RGS7: variants seen among roughly 807,000 people sequenced by gnomAD.
RGS7 encodes regulator of G-protein signaling 7.
RGS7 carries 27 observed loss-of-function variants against 81.1 expected under a neutral mutation model. The ratio of observed to expected loss-of-function variants is 0.33; its 90% confidence interval spans 0.25 to 0.46. The LOEUF is 0.46. Ranked by LOEUF, RGS7 falls within the 20% of genes least tolerant of loss-of-function variation. The pLI is 1.00. For synonymous variants in RGS7, 208 were observed against 207.7 expected (o/e 1.00, Z -0.01); for missense variants, 396 against 607.4 (o/e 0.65, Z 3.66).
intron 2 of RGS7, among the ~76,000 whole-genome samples, chr1:241,302,289 C>A (rs2079814255): frequency 6.6e-6 from 1 of 152,156 alleles, no homozygotes; most frequent in South Asian, 2.1e-4. Flanking sequence ...GTGGCTTACG[C>A]CTGTAATCCC....
intron 3 of RGS7, among the ~76,000 whole-genome samples, chr1:241,094,471 A>T (rs971168675): frequency 6.6e-6 from 1 of 152,154 alleles, no homozygotes; most frequent in Non-Finnish European, 1.5e-5. Flanking sequence ...AGAAGAAGGT[A>T]ATGCTGTGAC....
chr1:240,804,126 T>C (rs1688450881), intron 15 of RGS7, among the ~76,000 whole-genome samples: 2 of 152,260 alleles, frequency 1.3e-5, no homozygotes, highest in Admixed American at 1.3e-4. Flanking sequence ...CACTTACAAA[T>C]GGGATAAATA....
intron 3 of RGS7, among the ~76,000 whole-genome samples, chr1:241,064,431 A>AAG (rs2061939727): frequency 1.3e-5 from 2 of 151,052 alleles, no homozygotes. Context: ...ACCAAAAAAA[A>AAG]AAAAAAAAAA....
chr1:241,161,578 TTAA>T (rs112724608), intron 2 of RGS7, among the ~76,000 whole-genome samples: 14,164 of 149,442 alleles, frequency 0.095, 1,363 homozygotes, highest in African/African-American at 0.24. Context: ...CCATGACACA[TTAA>T]TAATAACTAA....
intron 2 of RGS7, among the ~76,000 whole-genome samples, chr1:241,160,413 C>T (rs1259976809): frequency 3.4e-5 from 5 of 148,024 alleles, no homozygotes; most frequent in Non-Finnish European, 7.4e-5. Context: ...ATCCCCTGAA[C>T]GGTGTGTGGA....
chr1:240,868,982 CAAT>C lies in RGS7; in HGVS notation c.451-133_451-131del. 1 of 819,716 alleles carries C rather than the reference CAAT, an allele frequency of 1.2e-6. No individual in the cohort carries two copies. The highest frequency in any genetic ancestry group is 2.1e-6 in the Non-Finnish European group (1 of 475,438). 50.8% of individuals were successfully genotyped at this position (819,716 alleles called of 1,614,324 possible). On this transcript the variant is annotated intron_variant, in intron 7 of 18. Transcript: ENST00000440928. This position sits in a 1 kb window ranked among gnomAD's most constrained non-coding sequence, Gnocchi z 5.1. ...AAAGCCCTAAGTGTACTGTGGTTCT[CAAT>C]GATAAGTCATGCTCCCTGAATTCAG... is the stretch of plus-strand genomic sequence containing the variant.
intron 3 of RGS7, among the ~76,000 whole-genome samples, chr1:241,063,814 C>G (rs1472238202): frequency 1.3e-5 from 2 of 151,902 alleles, no homozygotes; most frequent in Admixed American, 6.6e-5. Context: ...TTTGTTTTTG[C>G]AATCCAAGTA....
intron 2 of RGS7, among the ~76,000 whole-genome samples, chr1:241,216,756 G>C (rs981773181): frequency 1.3e-5 from 2 of 152,114 alleles, no homozygotes; most frequent in African/African-American, 4.8e-5. Context: ...TGAAATAATT[G>C]GTAAGATAAA....
chr1:240,845,238 G>A (rs1658856985), intron 9 of RGS7, among the ~76,000 whole-genome samples: 1 of 152,134 alleles, frequency 6.6e-6, no homozygotes, highest in African/African-American at 2.4e-5. Flanking sequence ...TCCATGCTGT[G>A]ACTCCTTTCC....
At chr1:240,898,780 C>A (rs528207466) in intron 6 of RGS7, among the ~76,000 whole-genome samples, 2 of 152,290 alleles carry the variant, frequency 1.3e-5, no homozygotes, top group Admixed American at 1.3e-4. Flanking sequence ...GTGGAGAATT[C>A]CGTAGATGTC....
chr1:241,227,238 T>C (rs1054946624), intron 2 of RGS7, among the ~76,000 whole-genome samples: 12 of 152,300 alleles, frequency 7.9e-5, no homozygotes, highest in African/African-American at 2.9e-4. Context: ...GACTGTCTCA[T>C]GCCTACAGTG....
At chr1:241,179,141 T>C (rs1285666139) in intron 2 of RGS7, among the ~76,000 whole-genome samples, 4 of 152,166 alleles carry the variant, frequency 2.6e-5, no homozygotes, top group African/African-American at 9.7e-5. Flanking sequence ...GTGGCCCAGA[T>C]TGGAGTGCAG....
At chr1:241,202,011 G>GACACACACACACACACACAC (rs60399497) in intron 2 of RGS7, among the ~76,000 whole-genome samples, 42 of 144,966 alleles carry the variant, frequency 2.9e-4, no homozygotes, top group African/African-American at 8.1e-4. Flanking sequence ...GACACACACA[G>GACACACACACACACACACAC]ACACACACAC....
intron 4 of RGS7, among the ~76,000 whole-genome samples, chr1:240,939,041 A>G (rs2148386796): frequency 6.6e-6 from 1 of 152,306 alleles, no homozygotes; most frequent in East Asian, 1.9e-4. Flanking sequence ...TCTATTAATA[A>G]AGGTCATAAA....
intron 2 of RGS7, among the ~76,000 whole-genome samples, chr1:241,220,290 T>A (rs902237900): frequency 6.6e-6 from 1 of 152,194 alleles, no homozygotes; most frequent in African/African-American, 2.4e-5. Flanking sequence ...AACCTAGAGA[T>A]CTAAAGAAGT....
At chr1:241,257,069 A>C (rs1252733986) in intron 2 of RGS7, among the ~76,000 whole-genome samples, 1 of 152,054 alleles carries the variant, frequency 6.6e-6, no homozygotes, top group Non-Finnish European at 1.5e-5. Context: ...ATACACACAC[A>C]CATTGCTTTT....
At chr1:240,830,626 T>G (rs1016069551) in intron 9 of RGS7, among the ~76,000 whole-genome samples, 1 of 152,212 alleles carries the variant, frequency 6.6e-6, no homozygotes, top group Non-Finnish European at 1.5e-5. Context: ...GCAGAGCACA[T>G]GCGTTGAAAC....
intron 2 of RGS7, among the ~76,000 whole-genome samples, chr1:241,220,040 T>C (rs2074803001): frequency 6.6e-6 from 1 of 152,222 alleles, no homozygotes; most frequent in Non-Finnish European, 1.5e-5. Flanking sequence ...TAACCTAATT[T>C]GTAAATAGGA....
At chr1:240,843,302 G>A (rs538335966) in intron 9 of RGS7, among the ~76,000 whole-genome samples, 33 of 152,014 alleles carry the variant, frequency 2.2e-4, no homozygotes, top group African/African-American at 7.2e-4. Flanking sequence ...GTCTTGCTCT[G>A]TTGCCCAGGC....
Sources: allele counts gnomAD v4.1 joint callset (sites outside exome capture counted in the v4.1 genomes callset), GRCh38; gene constraint gnomAD v4.1.1; non-coding constraint Gnocchi (gnomAD v3.1); transcripts MANE v1.5; gene names NCBI Gene and HGNC (gene_info 2026-07-23, HGNC 2026-07-21).